GSDME: variants seen among roughly 807,000 people sequenced by gnomAD.
GSDME encodes the protein gasdermin E, also known as gasdermin-E.
A neutral mutation model predicts 47.5 loss-of-function variants in GSDME; 44 were observed. The ratio of observed to expected loss-of-function variants is 0.93; its 90% CI spans 0.73 to 1.19. The LOEUF (loss-of-function observed/expected upper bound fraction) is 1.19, where lower values mean the gene tolerates loss of function less well. Among genes scored for constraint, GSDME ranks in the 50% most tolerant of loss-of-function variants. The pLI is 0.00. For synonymous variants in GSDME, 258 were observed against 252.8 expected, an observed-to-expected ratio of 1.02 and a Z score of -0.20; for missense variants, 663 against 604.2, an observed-to-expected ratio of 1.10 and a Z score of -1.02.
rs1054900675 is a variant in GSDME, at chr7:24,749,545, T to C, written c.211+19A>G. The stretch of plus-strand genomic sequence containing the variant: ...ATCCTTTCCGAGACTAATTATAGAA[T>C]ATACCCAAGGAAACATACCTGGACT... On this transcript the variant is annotated intron_variant, in intron 2 of 9. Transcript: ENST00000645220. 2 of 1,509,336 alleles carry C rather than the reference T, an allele frequency of 1.3e-6. No homozygotes were observed. Among genetic ancestry groups the C allele is most frequent in the Admixed American group, 1.7e-5 (1 of 59,448 alleles). 93.5% of individuals were successfully genotyped at this position (1,509,336 alleles called of 1,614,324 possible). A position where few individuals can be genotyped will look rare whatever the true frequency, so the allele number is the denominator to read the frequency against.
At chr7:24,752,993 T>G (rs992990705) in intron 1 of GSDME, among the ~76,000 whole-genome samples, 13 of 105,400 alleles carry the variant, frequency 1.2e-4, no homozygotes, top group Admixed American at 4.3e-4. Flanking sequence ...ATTTTTCATG[T>G]TTTTTTTTTT....
intron 3 of GSDME, among the ~76,000 whole-genome samples, chr7:24,723,655 C>T (rs1425806087): frequency 2.6e-5 from 4 of 152,290 alleles, no homozygotes; most frequent in Admixed American, 2.6e-4. Context: ...TAACCAAAGT[C>T]ACACAGCTGT....
chr7:24,717,359 C>T lies in GSDME; in HGVS notation c.592G>A (p.Asp198Asn), dbSNP rs1299944280. 1.9e-6 allele frequency: 3 copies of T among 1,614,174 alleles called. No individual in the cohort carries two copies. The highest frequency in any genetic ancestry group is 2.2e-5 in the East Asian group (1 of 44,872). Residue 198 changes from aspartate (D) to asparagine (N), a missense_variant, in exon 5 of 10, where the codon GAT becomes AAT. Physicochemically the swap from Asp to Asn is conservative, Grantham distance 23. Transcript: ENST00000645220. Reference protein sequence around the residue: ...TKTVQVSATEDGNVTKDSNVV... With the variant: ...TKTVQVSATENGNVTKDSNVV... ...TTGGAGTCCTTGGTGACATTCCCAT[C>T]CTCCGTCGCTGACACCTGTGGGCAA...
chr7:24,743,432 T>C (rs1438274723), intron 3 of GSDME, among the ~76,000 whole-genome samples: 2 of 152,154 alleles, frequency 1.3e-5, no homozygotes, highest in African/African-American at 4.8e-5. Context: ...AACTGAAATA[T>C]CATCCCCGCT....
the GSDME span, among the ~76,000 whole-genome samples, chr7:24,785,020 G>A: frequency 6.6e-6 from 1 of 152,214 alleles, no homozygotes; most frequent in Non-Finnish European, 1.5e-5. Flanking sequence ...ATCCAATCAA[G>A]TTAACACTAT....
intron 7 of GSDME, among the ~76,000 whole-genome samples, chr7:24,707,020 G>A (rs989512908): frequency 3.7e-4 from 57 of 152,208 alleles, no homozygotes; most frequent in African/African-American, 1.2e-3. Flanking sequence ...AGTTATTTTC[G>A]GAAGTAGAAG....
intron 3 of GSDME, among the ~76,000 whole-genome samples, chr7:24,727,804 G>C (rs145947507): frequency 6.6e-6 from 1 of 152,198 alleles, no homozygotes; most frequent in South Asian, 2.1e-4. Context: ...TTCATCTGCC[G>C]ATTTCCCCTC....
the GSDME span, among the ~76,000 whole-genome samples, chr7:24,775,029 GTTTC>G: frequency 6.6e-6 from 1 of 152,202 alleles, no homozygotes; most frequent in Non-Finnish European, 1.5e-5. Flanking sequence ...CATCTCTGTG[GTTTC>G]TTTGTCTTCT....
intron 3 of GSDME, among the ~76,000 whole-genome samples, chr7:24,729,489 C>CT (rs1018730994): frequency 6.6e-6 from 1 of 152,242 alleles, no homozygotes; most frequent in African/African-American, 2.4e-5. Flanking sequence ...TTCCGACACA[C>CT]TTGACCCTAC....
At chr7:24,752,828 G>C (rs1390180326) in intron 1 of GSDME, among the ~76,000 whole-genome samples, 1 of 152,184 alleles carries the variant, frequency 6.6e-6, no homozygotes, top group Non-Finnish European at 1.5e-5. Context: ...TCACGCACTT[G>C]CCTTCAGATC....
the GSDME span, among the ~76,000 whole-genome samples, chr7:24,788,415 TG>T: frequency 1 from 152,212 of 152,212 alleles, 76,106 homozygotes; most frequent in Non-Finnish European, 1. This position sits in a 1 kb window ranked among gnomAD's most constrained non-coding sequence, Gnocchi z 4.6. Context: ...CTCCAGCTAC[TG>T]GCTGGGCAGT....
At chr7:24,708,285 G>A in intron 6 of GSDME, 31 bp from the exon 7 acceptor site, 1 of 1,613,450 alleles carries the variant, frequency 6.2e-7, no homozygotes, top group South Asian at 1.1e-5. Flanking sequence ...CAAGTCTCAT[G>A]ACTGCGATGC....
chr7:24,702,436 G>A (rs368136515), intron 9 of GSDME: 5 of 362,170 alleles, frequency 1.4e-5, no homozygotes, highest in African/African-American at 1.1e-4. Context: ...ATGGTGTCAG[G>A]CCCCTTTATT....
chr7:24,775,157 A>C, the GSDME span, among the ~76,000 whole-genome samples: 1 of 152,214 alleles, frequency 6.6e-6, no homozygotes, highest in African/African-American at 2.4e-5. Flanking sequence ...GTCTGTTGGT[A>C]CATTTTTCTC....
In GSDME at chr7:24,714,268, G is replaced by A. The variant is rs1247904420; in HGVS notation, c.697+2986C>T. Among the ~76,000 whole-genome samples, 1 of 152,118 alleles carries A rather than the reference G, an allele frequency of 6.6e-6. No homozygotes were observed. Among genetic ancestry groups the A allele is most frequent in the East Asian group, 1.9e-4 (1 of 5,190 alleles). On this transcript the variant is annotated intron_variant, in intron 5 of 9. Coordinates refer to ENST00000645220, the MANE Select transcript of GSDME (RefSeq NM_001127453.2). The surrounding 1 kb of genome is among the most constrained non-coding windows in gnomAD (Gnocchi z 5.0). ...CAGATGGAGTCTGCCTCCCTTCGAG[G>A]TTTCAAAGGACGACCAGGATCTCTG...
chr7:24,730,826 TAAAAAAA>T (rs984782107), intron 3 of GSDME, among the ~76,000 whole-genome samples: 1 of 151,432 alleles, frequency 6.6e-6, no homozygotes, highest in African/African-American at 2.4e-5. Context: ...TCAAAAAAAA[TAAAAAAA>T]TAAAAAATGA....
At chr7:24,761,898 G>C (rs756113347), upstream of GSDME, among the ~76,000 whole-genome samples, 1 of 152,200 alleles carries the variant, frequency 6.6e-6, no homozygotes, top group Non-Finnish European at 1.5e-5. This position sits in a 1 kb window ranked among gnomAD's most constrained non-coding sequence, Gnocchi z 4.4. Flanking sequence ...ACCTCTCAAT[G>C]GGAGAAACAG....
At chr7:24,711,484 T>C (rs1041534526) in intron 5 of GSDME, among the ~76,000 whole-genome samples, 14 of 152,028 alleles carry the variant, frequency 9.2e-5, no homozygotes, top group African/African-American at 3.4e-4. Context: ...AGTGCTGGGA[T>C]TACAGGTGTG....
rs1248236320 is a variant in GSDME at position 24,714,285 on chromosome 7, G to C, written c.697+2969C>G. On this transcript the variant is annotated intron_variant, in intron 5 of 9. Coordinates refer to ENST00000645220, the MANE Select transcript of GSDME (RefSeq NM_001127453.2). This position sits in a 1 kb window ranked among gnomAD's most constrained non-coding sequence, Gnocchi z 5.0. ...CCTTCGAGGTTTCAAAGGACGACCA[G>C]GATCTCTGTCAAATGCAATCCCACC... 1.3e-5 allele frequency among the ~76,000 whole-genome samples: 2 copies of C among 152,132 alleles called. No homozygotes were observed. Among genetic ancestry groups the C allele is most frequent in the African/African-American group, 4.8e-5 (2 of 41,416 alleles).
Sources: gnomAD v4.1 joint callset for allele counts (sites outside exome capture counted in the v4.1 genomes callset) on GRCh38, gnomAD v4.1.1 for gene constraint, Gnocchi (gnomAD v3.1) non-coding constraint, MANE v1.5 for transcripts, NCBI Gene and HGNC (gene_info 2026-07-23, HGNC 2026-07-21) for gene names.